MTOR: variants seen among roughly 807,000 people sequenced by gnomAD.
The protein encoded by MTOR is mechanistic target of rapamycin kinase.
A neutral mutation model predicts 319.8 loss-of-function variants in MTOR; 70 were observed. The observed-to-expected ratio is 0.22, with a 90% confidence interval of 0.18 to 0.27. The LOEUF (loss-of-function observed/expected upper bound fraction) is 0.27, where lower values mean the gene tolerates loss of function less well. Among genes scored for constraint, MTOR ranks in the 10% least tolerant of loss-of-function variants. MTOR has a pLI of 1.00. For missense variants in MTOR, 1,890 were observed against 3,274.4 expected, an observed-to-expected ratio of 0.58 and a Z score of 10.32; for synonymous variants, 1,183 against 1,211.4, an observed-to-expected ratio of 0.98 and a Z score of 0.49.
chr1:11,153,041 C>A (rs1644201111), intron 30 of MTOR, among the ~76,000 whole-genome samples: 1 of 152,188 alleles, frequency 6.6e-6, no homozygotes, highest in East Asian at 1.9e-4. Flanking sequence ...TCGGTTTTCT[C>A]AACTTCTGTG....
At chr1:11,172,030 CAAAAAAA>C (rs1314310546) in intron 28 of MTOR, among the ~76,000 whole-genome samples, 2 of 84,734 alleles carry the variant, frequency 2.4e-5, no homozygotes, top group East Asian at 3.4e-4. Flanking sequence ...AACTCCATCT[CAAAAAAA>C]AAAAAAAAAA....
intron 28 of MTOR, chr1:11,195,158 T>A: frequency 9.9e-7 from 1 of 1,008,556 alleles, no homozygotes; most frequent in Non-Finnish European, 1.4e-6. Context: ...AAAGAATAAG[T>A]CTCCAAGGAG....
At chr1:11,143,404 C>T (rs1451399064) in intron 34 of MTOR, among the ~76,000 whole-genome samples, 1 of 152,186 alleles carries the variant, frequency 6.6e-6, no homozygotes, top group Non-Finnish European at 1.5e-5. Flanking sequence ...TGTAGAAACT[C>T]TTTATTATAG....
At chr1:11,227,740 G>C (rs909551873) in intron 19 of MTOR, among the ~76,000 whole-genome samples, 45 of 152,144 alleles carry the variant, frequency 3.0e-4, no homozygotes, top group African/African-American at 1.1e-3. Flanking sequence ...AGAAGGAATA[G>C]CAAAATTAGA....
At chr1:11,233,019 A>C in intron 15 of MTOR, 1 of 971,204 alleles carries the variant, frequency 1.0e-6, no homozygotes, top group Non-Finnish European at 1.6e-6. Context: ...ACAAAAGTAA[A>C]ATCGTCCCAT....
chr1:11,192,431 C>G, intron 28 of MTOR: 1 of 1,373,104 alleles, frequency 7.3e-7, no homozygotes, highest in Non-Finnish European at 1.0e-6. Flanking sequence ...CTCAAGGGGA[C>G]TACAACAACA....
intron 25 of MTOR, among the ~76,000 whole-genome samples, chr1:11,207,885 G>C (rs1646190611): frequency 6.6e-6 from 1 of 152,132 alleles, no homozygotes; most frequent in African/African-American, 2.4e-5. Context: ...TTTCTCAGGT[G>C]AGATAAACTA....
intron 19 of MTOR, among the ~76,000 whole-genome samples, chr1:11,216,991 G>A (rs1417202707): frequency 5.3e-5 from 8 of 152,148 alleles, no homozygotes; most frequent in East Asian, 1.9e-4. Flanking sequence ...AACTGTAAAT[G>A]TACCTTTTGT....
chr1:11,135,693 C>T (rs753798165), intron 36 of MTOR, among the ~76,000 whole-genome samples: 15 of 149,832 alleles, frequency 1.0e-4, no homozygotes, highest in African/African-American at 9.9e-5. Flanking sequence ...ATTAGCCGGG[C>T]GTGGTGGGGC....
chr1:11,214,819 G>A (rs1646417366), intron 20 of MTOR, among the ~76,000 whole-genome samples: 1 of 152,084 alleles, frequency 6.6e-6, no homozygotes, highest in Admixed American at 6.5e-5. Context: ...TCTGTCTGAT[G>A]TTCATCCACT....
intron 9 of MTOR, among the ~76,000 whole-genome samples, chr1:11,242,305 C>T (rs1404298788): frequency 6.6e-6 from 1 of 151,912 alleles, no homozygotes; most frequent in South Asian, 2.1e-4. Flanking sequence ...TCGAGACCAG[C>T]CCGGCCAAAA....
intron 50 of MTOR, 77 bp downstream of exon 50, chr1:11,116,927 T>C (rs1002457530): frequency 4.5e-6 from 5 of 1,114,884 alleles, no homozygotes; most frequent in African/African-American, 3.2e-5. Context: ...ATATATTTAA[T>C]TGGAAAACCA....
At position 11,133,264 on chromosome 1, in the gene MTOR, A is replaced by G. The variant is rs1238611022; in HGVS notation, c.5247-67T>C. 9.0e-6 allele frequency: 12 copies of G among 1,334,520 alleles called. No homozygotes were observed. The highest frequency in any genetic ancestry group is 2.3e-5 in the East Asian group (1 of 43,524). 82.7% of individuals were successfully genotyped at this position (1,334,520 alleles called of 1,614,324 possible). A position where few individuals can be genotyped will look rare whatever the true frequency, so the allele number is the denominator to read the frequency against. ...AAACAGCCCTCCTAAGAGGACCACAAATTGTTAGGGGACACTGAAGCCCTT... is the reference window on the plus strand; with the variant it reads ...AAACAGCCCTCCTAAGAGGACCACAGATTGTTAGGGGACACTGAAGCCCTT... On this transcript the variant is annotated intron_variant, in intron 37 of 57. Coordinates refer to ENST00000361445, the MANE Select transcript of MTOR (RefSeq NM_004958.4). The surrounding 1 kb of genome is among the most constrained non-coding windows in gnomAD (Gnocchi z 4.0).
Position 11,228,546 on chromosome 1 carries a change from G to A in MTOR, c.3030+122C>T, listed in dbSNP as rs1401572223. The A allele has an allele frequency of 5.3e-6, 7 of 1,326,832 alleles. No homozygotes were observed. The East Asian group carries it at 9.3e-5, about 18-fold the overall frequency. The allele number at this position is 1,326,832 out of a possible 1,614,324, so 82.2% of individuals were successfully genotyped here. On this transcript the variant is annotated intron_variant, in intron 19 of 57. Coordinates refer to ENST00000361445, the MANE Select transcript of MTOR (RefSeq NM_004958.4). ...TACACTTTATATGTTGGGAGTTAAGGGGGAGGAAGGCATTGGGCTCAGGGG... is the reference window on the plus strand; with the variant it reads ...TACACTTTATATGTTGGGAGTTAAGAGGGAGGAAGGCATTGGGCTCAGGGG...
chr1:11,234,123 A>T lies in MTOR; in HGVS notation c.2331+20T>A. On this transcript the variant is annotated intron_variant, in intron 14 of 57. Coordinates refer to ENST00000361445, the MANE Select transcript of MTOR (RefSeq NM_004958.4). Reference sequence around the variant, plus strand: ...GATGACAACGCACAGAGAAAGCACCAGCCTCTCGGTTTGTGTTACCTTCAG... The same window carrying T: ...GATGACAACGCACAGAGAAAGCACCTGCCTCTCGGTTTGTGTTACCTTCAG... 1 of 1,614,084 alleles carries T rather than the reference A, an allele frequency of 6.2e-7. No homozygotes were observed. Among genetic ancestry groups the T allele is most frequent in the South Asian group, 1.1e-5 (1 of 91,080 alleles).
chr1:11,130,167 G>A (rs577142500), intron 39 of MTOR, among the ~76,000 whole-genome samples: 1 of 152,276 alleles, frequency 6.6e-6, no homozygotes, highest in African/African-American at 2.4e-5. Flanking sequence ...GGAAGGGGAA[G>A]AAGTGGAAGT....
intron 29 of MTOR, among the ~76,000 whole-genome samples, chr1:11,161,573 C>T (rs1644479972): frequency 6.6e-6 from 1 of 152,154 alleles, no homozygotes; most frequent in Non-Finnish European, 1.5e-5. Context: ...CTGGGTGCCC[C>T]TCTGAGACGA....
Position 11,204,575 on chromosome 1 carries a change from G to A in MTOR, c.3930C>T (p.Tyr1310=), listed in dbSNP as rs1646079750. 8 of 1,614,002 alleles carry A rather than the reference G, an allele frequency of 5.0e-6. No homozygotes were observed. In the South Asian group the frequency reaches 6.6e-5, roughly 13 times the overall value. ...LRSCWALAQA[Y]NPMARDLFNA... is the part of the protein sequence containing the mutation. ...ACACACTATACCTGGCCATCGGGTT[G>A]TAGGCCTGTGCCAGGGCCCAGCAGG... Residue 1310 remains tyrosine, a synonymous_variant, in exon 26 of 58, where the codon TAC becomes TAT. Transcript: ENST00000361445.
intron 30 of MTOR, among the ~76,000 whole-genome samples, chr1:11,155,610 G>C (rs929849045): frequency 1.3e-5 from 2 of 152,104 alleles, no homozygotes; most frequent in Non-Finnish European, 2.9e-5. Flanking sequence ...GAACAAAAAG[G>C]CCTACTAAAA....
Sources: gnomAD v4.1 joint callset for allele counts (sites outside exome capture counted in the v4.1 genomes callset) on GRCh38, gnomAD v4.1.1 for gene constraint, Gnocchi (gnomAD v3.1) non-coding constraint, MANE v1.5 for transcripts, NCBI Gene and HGNC (gene_info 2026-07-23, HGNC 2026-07-21) for gene names.